Variants in EML4 observed in about 807,000 individuals in gnomAD.
The protein encoded by EML4 is echinoderm microtubule-associated protein-like 4.
In EML4, 72 loss-of-function variants were observed where a neutral mutation model predicts 129.0. The observed-to-expected ratio is 0.56, with a 90% CI of 0.46 to 0.68. EML4 has a LOEUF of 0.68. EML4 is among the 30% of genes least tolerant of loss of function. EML4 has a pLI of 0.00. For missense variants in EML4, 1,363 were observed against 1,190.6 expected, an observed-to-expected ratio of 1.14 and a Z score of -2.13; for synonymous variants, 532 against 405.0, an observed-to-expected ratio of 1.31 and a Z score of -3.77.
At chr2:42,215,148 C>G (rs1305689869) in intron 1 of EML4, among the ~76,000 whole-genome samples, 2 of 152,148 alleles carry the variant, frequency 1.3e-5, no homozygotes, top group Non-Finnish European at 2.9e-5. Flanking sequence ...CAGCTTCAAC[C>G]TCTCAGTCTC....
In EML4 at chr2:42,243,559, C is replaced by G. The variant is rs531743248; in HGVS notation, c.26-1946C>G. ...ATTTAAAGGTGAAGAAATTAATGCT[C>G]AAAGAACTTGCCTAAGATTATGTAA... On this transcript the variant is annotated intron_variant, in intron 1 of 22. Transcript: ENST00000318522. Among the ~76,000 whole-genome samples, 8 of 152,218 alleles carry G rather than the reference C, an allele frequency of 5.3e-5. No individual in the cohort carries two copies. The East Asian group carries it at 1.5e-3, about 29-fold the overall frequency.
intron 1 of EML4, among the ~76,000 whole-genome samples, chr2:42,237,156 A>G (rs1674731574): frequency 6.6e-6 from 1 of 152,044 alleles, no homozygotes; most frequent in African/African-American, 2.4e-5. Context: ...GCTGGTCTCG[A>G]ACTCCTGAAC....
In EML4 at chr2:42,242,944, A is replaced by T. The variant is rs543358874; in HGVS notation, c.26-2561A>T. 3.4e-4 allele frequency among the ~76,000 whole-genome samples: 52 copies of T among 151,792 alleles called. 1 individual carries two copies. The South Asian group carries it at 6.5e-3, about 19-fold the overall frequency. On this transcript the variant is annotated intron_variant, in intron 1 of 22. Transcript: ENST00000318522. ...AAACACGTGCCACCATGCCCAGCTA[A>T]TTTTTTCCATTTTTGTAGACATGGG...
chr2:42,247,945 G>A (rs1338854998), intron 2 of EML4, among the ~76,000 whole-genome samples: 1 of 152,040 alleles, frequency 6.6e-6, no homozygotes, highest in Non-Finnish European at 1.5e-5. Flanking sequence ...TGATAACGAT[G>A]TTTGATTGCT....
chr2:42,248,772 T>G lies in EML4; in HGVS notation c.208+3085T>G, dbSNP rs568734180. 6.6e-5 allele frequency among the ~76,000 whole-genome samples: 10 copies of G among 152,300 alleles called. 1 individual carries two copies. In the East Asian group the frequency reaches 1.7e-3, roughly 26 times the overall value. Reference sequence around the variant, plus strand: ...TGCTAAGATGGTTCATTCTTTGAGTTACTCTGTTACCTGGAACACAGGCAG... The same window carrying G: ...TGCTAAGATGGTTCATTCTTTGAGTGACTCTGTTACCTGGAACACAGGCAG... On this transcript the variant is annotated intron_variant, in intron 2 of 22. Transcript: ENST00000318522.
intron 19 of EML4, among the ~76,000 whole-genome samples, chr2:42,322,509 G>T (rs1669574406): frequency 6.6e-6 from 1 of 152,218 alleles, no homozygotes; most frequent in African/African-American, 2.4e-5. Context: ...CACTGATTCA[G>T]GTGATAATCA....
intron 1 of EML4, among the ~76,000 whole-genome samples, chr2:42,202,315 A>G (rs1672281162): frequency 6.6e-6 from 1 of 152,060 alleles, no homozygotes; most frequent in Non-Finnish European, 1.5e-5. Context: ...CCAAGGTAGA[A>G]GGATTGCTTG....
At chr2:42,262,668 A>G (rs987254123) in intron 4 of EML4, among the ~76,000 whole-genome samples, 35 of 152,216 alleles carry the variant, frequency 2.3e-4, no homozygotes, top group Admixed American at 2.0e-3. Flanking sequence ...CCACATTCTT[A>G]TATAAAGTCT....
chr2:42,295,305 A>AT, intron 12 of EML4, 46 bp downstream of exon 12: 1 of 1,595,712 alleles, frequency 6.3e-7, no homozygotes, highest in Non-Finnish European at 8.5e-7. Flanking sequence ...TAAGACTTTA[A>AT]TTTTTTTAAT....
In EML4 at chr2:42,311,832, G is replaced by A. The variant is rs149307383; in HGVS notation, c.1968-4130G>A. ...GGGTACTGTCCAGTTGCAATAAAGT[G>A]TATGTCTTATGTGCTTTTTTTATTT... On this transcript the variant is annotated intron_variant, in intron 17 of 22. Coordinates refer to ENST00000318522, the MANE Select transcript of EML4 (RefSeq NM_019063.5). 2.8e-3 allele frequency among the ~76,000 whole-genome samples: 426 copies of A among 152,284 alleles called. 2 individuals carry two copies. The highest frequency in any genetic ancestry group is 9.8e-3 in the African/African-American group (408 of 41,554).
At chr2:42,326,707 C>T (rs1316619525) in intron 21 of EML4, among the ~76,000 whole-genome samples, 1 of 152,122 alleles carries the variant, frequency 6.6e-6, no homozygotes, top group African/African-American at 2.4e-5. Context: ...CATGGTGAAA[C>T]CCTGTCTCTG....
intron 1 of EML4, among the ~76,000 whole-genome samples, chr2:42,170,811 T>C (rs976353675): frequency 3.3e-5 from 5 of 152,274 alleles, no homozygotes; most frequent in Admixed American, 3.3e-4. Context: ...ACTTGGTTAA[T>C]GTTCACTGAT....
chr2:42,288,495 G>A (rs1667439167), intron 11 of EML4, 173 bp downstream of exon 11: 4 of 377,022 alleles, frequency 1.1e-5, no homozygotes, highest in African/African-American at 2.1e-5. Flanking sequence ...TAACACTATA[G>A]TTATACAAGA....
chr2:42,198,669 A>G (rs1377974445), intron 1 of EML4, among the ~76,000 whole-genome samples: 5 of 152,210 alleles, frequency 3.3e-5, no homozygotes, highest in African/African-American at 9.6e-5. Context: ...TCTGAGAAGT[A>G]TGAGGTGGAG....
intron 1 of EML4, among the ~76,000 whole-genome samples, chr2:42,208,998 A>G (rs770945326): frequency 6.6e-6 from 1 of 151,750 alleles, no homozygotes; most frequent in Non-Finnish European, 1.5e-5. Context: ...ATCACTTCCT[A>G]TTTCCTTATG....
chr2:42,217,562 C>T (rs1673275635), intron 1 of EML4, among the ~76,000 whole-genome samples: 1 of 152,192 alleles, frequency 6.6e-6, no homozygotes, highest in Non-Finnish European at 1.5e-5. Flanking sequence ...ATGTTATTTA[C>T]ATAATGCAGA....
chr2:42,206,257 A>G (rs759073960), intron 1 of EML4, among the ~76,000 whole-genome samples: 7 of 152,200 alleles, frequency 4.6e-5, no homozygotes, highest in South Asian at 2.1e-4. Context: ...TCTGTCACCT[A>G]GGATGGAGTG....
intron 13 of EML4, among the ~76,000 whole-genome samples, chr2:42,297,517 G>T (rs1275109985): frequency 2.0e-5 from 3 of 152,164 alleles, no homozygotes; most frequent in African/African-American, 7.2e-5. Context: ...ACATGAAATG[G>T]CCTGTGTTGT....
chr2:42,249,396 G>A (rs983050041), intron 2 of EML4, among the ~76,000 whole-genome samples: 1 of 152,020 alleles, frequency 6.6e-6, no homozygotes, highest in South Asian at 2.1e-4. Flanking sequence ...ATTTTCTAGA[G>A]GATTTTTCTT....
Sources: allele counts gnomAD v4.1 joint callset (sites outside exome capture counted in the v4.1 genomes callset), GRCh38; gene constraint gnomAD v4.1.1; transcripts MANE v1.5; gene names NCBI Gene and HGNC (gene_info 2026-07-23, HGNC 2026-07-21).